The following ZBTB20 variants were observed in gnomAD, a reference collection of about 807,000 sequenced individuals.
ZBTB20 encodes the protein zinc finger and BTB domain-containing protein 20.
Under a neutral mutation model 56.9 loss-of-function variants are expected in ZBTB20, and 9 were observed. The observed-to-expected ratio is 0.16, with a 90% CI of 0.10 to 0.28. The LOEUF is 0.28. ZBTB20 is among the 10% of genes least tolerant of loss of function. The probability of loss-of-function intolerance (pLI) is 1.00; values close to 1 mark genes in which losing one functional copy is unlikely to be tolerated. For missense variants in ZBTB20, 655 were observed against 1,003.0 expected (o/e 0.65, Z 4.69); for synonymous variants, 417 against 420.7 (o/e 0.99, Z 0.11).
rs2091815184 is a variant in ZBTB20 at position 114,453,970 on chromosome 3, G to C, written c.-255+46382C>G. Among the ~76,000 whole-genome samples the C allele has an allele frequency of 2.4e-5, 3 of 123,220 alleles. No individual in the cohort carries two copies. In the Admixed American group the frequency reaches 3.3e-4, roughly 13 times the overall value. The allele number at this position is 123,220 out of a possible 152,430, so 80.8% of individuals were successfully genotyped here. ...TGTAAAGAACTCTTTGTTCTCTAGTGAAAATGCTGAAAAATCCCCGGGCAG... is the reference window on the plus strand; with the variant it reads ...TGTAAAGAACTCTTTGTTCTCTAGTCAAAATGCTGAAAAATCCCCGGGCAG... On this transcript the variant is annotated intron_variant, in intron 7 of 11. Transcript: ENST00000675478.
At chr3:114,518,231 T>A (rs1428414334) in intron 6 of ZBTB20, among the ~76,000 whole-genome samples, 1 of 152,056 alleles carries the variant, frequency 6.6e-6, no homozygotes, top group Non-Finnish European at 1.5e-5. Context: ...GTACACACAT[T>A]TCAAATACTT....
chr3:114,923,873 A>T (rs185372470), intron 3 of ZBTB20, among the ~76,000 whole-genome samples: 201 of 152,288 alleles, frequency 1.3e-3, no homozygotes, highest in Non-Finnish European at 2.2e-3. Context: ...TGGCAAAAAA[A>T]AATAATAACA....
chr3:114,961,936 G>A (rs562370541), intron 3 of ZBTB20, among the ~76,000 whole-genome samples: 2 of 152,088 alleles, frequency 1.3e-5, no homozygotes, highest in African/African-American at 2.4e-5. Flanking sequence ...TACTGTTTTC[G>A]TTCATCCTCT....
intron 4 of ZBTB20, among the ~76,000 whole-genome samples, chr3:114,865,381 C>A (rs898169875): frequency 2.0e-5 from 3 of 152,126 alleles, no homozygotes; most frequent in Non-Finnish European, 4.4e-5. Flanking sequence ...TGAAATTCTG[C>A]GTCTTCTTGT....
rs190265147 is a variant in ZBTB20, at chr3:114,463,738, G to C, written c.-255+36614C>G. The stretch of plus-strand genomic sequence containing the variant: ...TGTGCATTAACATTTAAAAGAACAG[G>C]AACATGTAGTCTACCTCAAAACAAA... On this transcript the variant is annotated intron_variant, in intron 7 of 11. Transcript: ENST00000675478. Among the ~76,000 whole-genome samples, 238 of 152,252 alleles carry C rather than the reference G, an allele frequency of 1.6e-3. 1 individual carries two copies. The highest frequency in any genetic ancestry group is 0.01 in the Middle Eastern group (3 of 294).
chr3:114,517,862 C>T (rs1030837467), intron 6 of ZBTB20, among the ~76,000 whole-genome samples: 12 of 152,134 alleles, frequency 7.9e-5, no homozygotes, highest in African/African-American at 2.9e-4. Flanking sequence ...GTGTGAGCCA[C>T]TGCACCCAGC....
At chr3:114,857,542 C>A (rs1007305618) in intron 4 of ZBTB20, among the ~76,000 whole-genome samples, 1 of 152,126 alleles carries the variant, frequency 6.6e-6, no homozygotes, top group African/African-American at 2.4e-5. Flanking sequence ...GCGCCGTTAT[C>A]CTATAATTCA....
At chr3:114,863,961 T>C (rs1433499155) in intron 4 of ZBTB20, among the ~76,000 whole-genome samples, 2 of 152,054 alleles carry the variant, frequency 1.3e-5, no homozygotes, top group Non-Finnish European at 2.9e-5. Context: ...AAACGTATCT[T>C]TTAGCTGAGA....
chr3:114,637,938 C>T (rs536343442), intron 6 of ZBTB20, among the ~76,000 whole-genome samples: 4 of 152,082 alleles, frequency 2.6e-5, no homozygotes, highest in African/African-American at 9.6e-5. Context: ...TTTCCTTTTC[C>T]CCCCACTATT....
intron 5 of ZBTB20, among the ~76,000 whole-genome samples, chr3:114,761,717 C>G (rs929946190): frequency 6.6e-6 from 1 of 151,524 alleles, no homozygotes; most frequent in African/African-American, 2.4e-5. Flanking sequence ...AGCTGTAATC[C>G]CATCTACTTG....
chr3:114,789,327 A>T (rs113608490), intron 5 of ZBTB20, among the ~76,000 whole-genome samples: 5 of 152,304 alleles, frequency 3.3e-5, no homozygotes, highest in African/African-American at 1.2e-4. Context: ...ATGGTTTCCA[A>T]TGTGAAGAAG....
chr3:114,589,469 T>C (rs548906046), intron 6 of ZBTB20, among the ~76,000 whole-genome samples: 1 of 152,322 alleles, frequency 6.6e-6, no homozygotes, highest in African/African-American at 2.4e-5. Flanking sequence ...ATCTCTTTGA[T>C]TTTCTGTCCT....
intron 3 of ZBTB20, chr3:114,931,198 G>A (rs1300350454): frequency 5.0e-6 from 1 of 200,318 alleles, no homozygotes; most frequent in Non-Finnish European, 1.1e-5. Flanking sequence ...AGTGAGGCAG[G>A]ATATTTGTAT....
intron 6 of ZBTB20, among the ~76,000 whole-genome samples, chr3:114,605,444 A>G (rs2057070957): frequency 6.6e-6 from 1 of 152,184 alleles, no homozygotes; most frequent in Non-Finnish European, 1.5e-5. Context: ...TTAGGCAATG[A>G]TTTTAAAACA....
chr3:114,815,479 A>G (rs1457785533), intron 4 of ZBTB20, among the ~76,000 whole-genome samples: 1 of 152,074 alleles, frequency 6.6e-6, no homozygotes, highest in African/African-American at 2.4e-5. Context: ...TGGCTTACCC[A>G]TTTTCCCCTG....
chr3:114,379,085 G>A (rs2084009687), intron 10 of ZBTB20: 1 of 152,200 alleles, frequency 6.6e-6, no homozygotes, highest in South Asian at 2.1e-4. Flanking sequence ...AGCAAGTAGA[G>A]AATGGAATCT....
intron 3 of ZBTB20, among the ~76,000 whole-genome samples, chr3:114,910,462 T>C (rs1266619341): frequency 1.3e-5 from 2 of 151,824 alleles, no homozygotes; most frequent in Non-Finnish European, 2.9e-5. Context: ...CCTTGAACAC[T>C]GATATCAAAC....
At chr3:115,140,547 ATG>A (rs1560603070) in intron 1 of ZBTB20, among the ~76,000 whole-genome samples, 1 of 151,756 alleles carries the variant, frequency 6.6e-6, no homozygotes, top group Non-Finnish European at 1.5e-5. Flanking sequence ...GAGAGTGTGT[ATG>A]TGTGTGTGGT....
chr3:114,789,025 G>A (rs535439469), intron 5 of ZBTB20, among the ~76,000 whole-genome samples: 5 of 152,288 alleles, frequency 3.3e-5, no homozygotes, highest in East Asian at 1.9e-4. Context: ...CACAACACAC[G>A]AAGATTATGG....
Sources: allele counts gnomAD v4.1 joint callset (sites outside exome capture counted in the v4.1 genomes callset), GRCh38; gene constraint gnomAD v4.1.1; transcripts MANE v1.5; gene names NCBI Gene and HGNC (gene_info 2026-07-23, HGNC 2026-07-21).